The following RBFOX1 variants were observed in gnomAD, a reference collection of about 807,000 sequenced individuals.
RBFOX1 encodes RNA binding fox-1 homolog 1.
A neutral mutation model predicts 57.7 loss-of-function variants in RBFOX1; 8 were observed. That is an observed-to-expected ratio of 0.14 (90% CI 0.08 to 0.25). RBFOX1 has a LOEUF of 0.25. RBFOX1 is among the 10% of genes least tolerant of loss of function. The pLI is 1.00. For missense variants in RBFOX1, 611 were observed against 548.5 expected, an observed-to-expected ratio of 1.11 and a Z score of -1.14; for synonymous variants, 326 against 222.4, an observed-to-expected ratio of 1.47 and a Z score of -4.15.
At chr16:7,454,271 C>T (rs1249459347) in intron 4 of RBFOX1, among the ~76,000 whole-genome samples, 1 of 152,120 alleles carries the variant, frequency 6.6e-6, no homozygotes, top group Non-Finnish European at 1.5e-5. Flanking sequence ...CCAATGTCTT[C>T]CCAGGAAGTC....
At chr16:6,713,528 A>G (rs891631926) in intron 3 of RBFOX1, among the ~76,000 whole-genome samples, 6 of 152,096 alleles carry the variant, frequency 3.9e-5, no homozygotes, top group African/African-American at 1.4e-4. Context: ...CACTAGATGC[A>G]AGTAAAACCC....
At chr16:7,576,068 G>A (rs554291325) in intron 5 of RBFOX1, among the ~76,000 whole-genome samples, 2 of 151,440 alleles carry the variant, frequency 1.3e-5, no homozygotes, top group Admixed American at 6.6e-5. Flanking sequence ...AAGTAGCTGG[G>A]ATGGCAGGCA....
intron 4 of RBFOX1, among the ~76,000 whole-genome samples, chr16:7,337,589 C>T (rs549980813): frequency 6.6e-6 from 1 of 152,158 alleles, no homozygotes; most frequent in Non-Finnish European, 1.5e-5. Flanking sequence ...AATGGAACTC[C>T]TAAGCACTGC....
intron 4 of RBFOX1, among the ~76,000 whole-genome samples, chr16:7,327,333 G>A (rs981818385): frequency 5.3e-5 from 8 of 152,178 alleles, no homozygotes; most frequent in Non-Finnish European, 1.2e-4. Context: ...GTAGAAAAAC[G>A]GAAAATTTGT....
chr16:5,691,988 G>C (rs1456235852), intron 3 of RBFOX1, among the ~76,000 whole-genome samples: 1 of 150,186 alleles, frequency 6.7e-6, no homozygotes, highest in Non-Finnish European at 1.5e-5. Flanking sequence ...CTTCACCTCT[G>C]CTAAGAATGT....
intron 4 of RBFOX1, among the ~76,000 whole-genome samples, chr16:7,078,095 T>A (rs952910299): frequency 2.0e-5 from 3 of 152,154 alleles, no homozygotes; most frequent in African/African-American, 7.2e-5. Context: ...CTCCTCCTCC[T>A]CTTTGGCTCA....
intron 2 of RBFOX1, among the ~76,000 whole-genome samples, chr16:6,366,486 G>T (rs1254965753): frequency 1.3e-5 from 2 of 152,112 alleles, no homozygotes; most frequent in African/African-American, 4.8e-5. Context: ...CAAAATATAA[G>T]GAGGTAAGAA....
rs149072687 is a variant in RBFOX1, at chr16:5,316,027, C to T, written c.219+75922C>T. Among the ~76,000 whole-genome samples the T allele has an allele frequency of 2.9e-3, 444 of 152,252 alleles. 1 individual carries two copies. Among genetic ancestry groups the T allele is most frequent in the African/African-American group, 9.4e-3 (390 of 41,522 alleles). On this transcript the variant is annotated intron_variant, in intron 1 of 2. Coordinates refer to the RBFOX1 transcript ENST00000585867. ...TCCTCCCACTACCAGAGACCTCCCC[C>T]GCCCTACTCCTCTCCTTGCTGTCTC...
At chr16:7,021,198 C>T (rs983363913) in intron 3 of RBFOX1, among the ~76,000 whole-genome samples, 2 of 151,974 alleles carry the variant, frequency 1.3e-5, no homozygotes, top group African/African-American at 4.8e-5. Flanking sequence ...TGTCTCTTCT[C>T]AGTTAGTTGC....
chr16:7,458,457 A>C (rs1326270530), intron 4 of RBFOX1, among the ~76,000 whole-genome samples: 1 of 152,192 alleles, frequency 6.6e-6, no homozygotes, highest in Non-Finnish European at 1.5e-5. Flanking sequence ...CCAAGTAGAC[A>C]GAAAATGAGC....
chr16:7,598,312 A>T (rs900178664), intron 9 of RBFOX1, among the ~76,000 whole-genome samples: 2 of 151,906 alleles, frequency 1.3e-5, no homozygotes, highest in African/African-American at 2.4e-5. Flanking sequence ...TGTTTGTCGC[A>T]TAACTTTAGA....
intron 4 of RBFOX1, among the ~76,000 whole-genome samples, chr16:7,176,503 A>G (rs952744163): frequency 1.3e-5 from 2 of 152,140 alleles, no homozygotes; most frequent in African/African-American, 2.4e-5. Context: ...GGAAAAATCC[A>G]GCTCTCCTCT....
chr16:6,860,795 G>A (rs952483502), intron 3 of RBFOX1, among the ~76,000 whole-genome samples: 1 of 152,026 alleles, frequency 6.6e-6, no homozygotes, highest in Non-Finnish European at 1.5e-5. Flanking sequence ...ATTTGCAGCA[G>A]GAGACATACA....
intron 1 of RBFOX1, among the ~76,000 whole-genome samples, chr16:6,136,362 C>G (rs938426542): frequency 3.9e-5 from 6 of 152,084 alleles, no homozygotes; most frequent in African/African-American, 9.7e-5. Flanking sequence ...GAGCCGTATT[C>G]CAGATACGTG....
chr16:7,525,500 C>G (rs17143962), intron 5 of RBFOX1, among the ~76,000 whole-genome samples: 11,828 of 152,102 alleles, frequency 0.078, 588 homozygotes, highest in African/African-American at 0.14. Flanking sequence ...GATCAATTAC[C>G]CTACAGAGAG....
In RBFOX1 at chr16:6,412,914, C is replaced by T. The variant is rs190593538; in HGVS notation, c.-64+95857C>T. ...ATGGTTTGTGTGGCACTATCAGAAA[C>T]GGAACTTTCAAAAACTGATAATTTT... On this transcript the variant is annotated intron_variant, in intron 2 of 15. Transcript: ENST00000550418. Among the ~76,000 whole-genome samples the T allele has an allele frequency of 1.1e-4, 16 of 152,202 alleles. No homozygotes were observed. The East Asian group carries it at 1.5e-3, about 15-fold the overall frequency.
chr16:7,108,313 A>T (rs758189669), intron 4 of RBFOX1, among the ~76,000 whole-genome samples: 1 of 150,168 alleles, frequency 6.7e-6, no homozygotes, highest in Admixed American at 6.7e-5. Flanking sequence ...TTAACAAACA[A>T]GAACTTCTTT....
chr16:6,233,214 C>A (rs1467416924), intron 1 of RBFOX1, among the ~76,000 whole-genome samples: 2 of 152,134 alleles, frequency 1.3e-5, no homozygotes, highest in African/African-American at 4.8e-5. Flanking sequence ...CCGTCAGTGG[C>A]ATTTCAGAGA....
chr16:7,587,369 C>T (rs949451562), intron 7 of RBFOX1, 69 bp downstream of exon 7: 8 of 1,405,402 alleles, frequency 5.7e-6, no homozygotes, highest in Non-Finnish European at 6.6e-6. Flanking sequence ...TAAGGGGAAA[C>T]AACTGCACTG....
Sources: gnomAD v4.1 joint callset for allele counts (sites outside exome capture counted in the v4.1 genomes callset) on GRCh38, gnomAD v4.1.1 for gene constraint, MANE v1.5 for transcripts, NCBI Gene and HGNC (gene_info 2026-07-23, HGNC 2026-07-21) for gene names.